Variants in KCNIP4 observed in about 807,000 individuals in gnomAD.
KCNIP4 encodes potassium voltage-gated channel interacting protein 4.
A neutral mutation model predicts 34.0 loss-of-function variants in KCNIP4; 12 were observed. That is an observed-to-expected ratio of 0.35 (90% CI 0.23 to 0.57). The LOEUF (loss-of-function observed/expected upper bound fraction) is 0.57, where lower values mean the gene tolerates loss of function less well. KCNIP4 is among the 20% of genes least tolerant of loss of function. The probability of loss-of-function intolerance (pLI) is 0.83; values close to 1 mark genes in which losing one functional copy is unlikely to be tolerated. For synonymous variants in KCNIP4, 124 were observed against 102.2 expected, an observed-to-expected ratio of 1.21 and a Z score of -1.29; for missense variants, 238 against 311.7, an observed-to-expected ratio of 0.76 and a Z score of 1.78.
At chr4:21,873,464 T>A (rs757801289) in intron 1 of KCNIP4, among the ~76,000 whole-genome samples, 2 of 152,144 alleles carry the variant, frequency 1.3e-5, no homozygotes, top group Non-Finnish European at 2.9e-5. Context: ...TCCATCAGAA[T>A]TAAAAGAAAT....
intron 1 of KCNIP4, among the ~76,000 whole-genome samples, chr4:21,062,970 A>C (rs1313946049): frequency 6.6e-6 from 1 of 152,192 alleles, no homozygotes; most frequent in African/African-American, 2.4e-5. Flanking sequence ...GTTTGATCAA[A>C]TATCTGGGCA....
intron 1 of KCNIP4, among the ~76,000 whole-genome samples, chr4:21,912,814 A>G (rs1655747423): frequency 6.7e-6 from 1 of 149,562 alleles, no homozygotes; most frequent in African/African-American, 2.4e-5. Flanking sequence ...TTTATATAAT[A>G]TAATATATAT....
At chr4:21,306,437 T>C (rs115484410) in intron 1 of KCNIP4, among the ~76,000 whole-genome samples, 2,838 of 152,272 alleles carry the variant, frequency 0.019, 79 homozygotes, top group East Asian at 0.056. Flanking sequence ...AGAGCAGTGG[T>C]GTGATCACAG....
rs529442617 is a variant in KCNIP4 at position 21,553,865 on chromosome 4, T to A, written c.61+394706A>T. ...AGATTTAGGACTTACCCCAAAATGA[T>A]TTTGTCCTGAAATCCTTACCTTAAT... On this transcript the variant is annotated intron_variant, in intron 1 of 8. Coordinates refer to ENST00000382152, the MANE Select transcript of KCNIP4 (RefSeq NM_025221.6). 2.0e-5 allele frequency among the ~76,000 whole-genome samples: 3 copies of A among 152,186 alleles called. No individual in the cohort carries two copies. In the East Asian group the frequency reaches 5.8e-4, roughly 30 times the overall value.
intron 1 of KCNIP4, among the ~76,000 whole-genome samples, chr4:21,223,724 AAT>A (rs1758149121): frequency 1.3e-5 from 2 of 152,202 alleles, no homozygotes; most frequent in Admixed American, 6.5e-5. Flanking sequence ...TTAATTTACC[AAT>A]GCAATCTATC....
Position 21,370,844 on chromosome 4 carries a change from TATATATACACAC to T in KCNIP4, c.62-488147_62-488136del, listed in dbSNP as rs1560338050. On this transcript the variant is annotated intron_variant, in intron 1 of 8. Transcript: ENST00000382152. ...ATATATATATATATATATATATATA[TATATATACACAC>T]ACACACACACACACACACACACACA... 4.4e-3 allele frequency among the ~76,000 whole-genome samples: 114 copies of T among 25,842 alleles called. 1 individual carries two copies. Among genetic ancestry groups the T allele is most frequent in the Non-Finnish European group, 4.9e-3 (83 of 17,112 alleles). The allele number at this position is 25,842 out of a possible 152,430, so 17.0% of individuals were successfully genotyped here. A position where few individuals can be genotyped will look rare whatever the true frequency, so the allele number is the denominator to read the frequency against.
At chr4:21,068,684 A>G (rs1744627932) in intron 1 of KCNIP4, among the ~76,000 whole-genome samples, 1 of 152,156 alleles carries the variant, frequency 6.6e-6, no homozygotes, top group African/African-American at 2.4e-5. Flanking sequence ...ATGGCCTCCA[A>G]ATAGTAAGTA....
chr4:21,775,543 T>C (rs1269076207), intron 1 of KCNIP4, among the ~76,000 whole-genome samples: 1 of 152,174 alleles, frequency 6.6e-6, no homozygotes, highest in African/African-American at 2.4e-5. Context: ...GCTGCCCAGA[T>C]TCCTTAGAAC....
intron 1 of KCNIP4, among the ~76,000 whole-genome samples, chr4:21,714,904 AT>A (rs1370461800): frequency 0.041 from 12 of 294 alleles, 1 homozygote; most frequent in Non-Finnish European, 0.043. Context: ...ATTTTATTTT[AT>A]TTTATTTTAT....
At chr4:20,995,135 C>T (rs1364419537) in intron 1 of KCNIP4, among the ~76,000 whole-genome samples, 1 of 152,142 alleles carries the variant, frequency 6.6e-6, no homozygotes, top group Non-Finnish European at 1.5e-5. Flanking sequence ...AAAACTGAGA[C>T]TAAAAAGGTT....
At position 21,494,245 on chromosome 4, in the gene KCNIP4, T is replaced by G. The variant is rs568380905; in HGVS notation, c.61+454326A>C. Among the ~76,000 whole-genome samples, 255 of 152,224 alleles carry G rather than the reference T, an allele frequency of 1.7e-3. 1 individual carries two copies. Among genetic ancestry groups the G allele is most frequent in the African/African-American group, 6.0e-3 (248 of 41,548 alleles). ...TAAAATCACATTTAATCAGCATGAGTGTTAGTGTTGGCTATATAAATCCAA... is the reference window on the plus strand; with the variant it reads ...TAAAATCACATTTAATCAGCATGAGGGTTAGTGTTGGCTATATAAATCCAA... On this transcript the variant is annotated intron_variant, in intron 1 of 8. Coordinates refer to ENST00000382152, the MANE Select transcript of KCNIP4 (RefSeq NM_025221.6).
Position 21,101,741 on chromosome 4 carries a change from A to G in KCNIP4, c.62-219032T>C, listed in dbSNP as rs1747962974. On this transcript the variant is annotated intron_variant, in intron 1 of 8. Coordinates refer to ENST00000382152, the MANE Select transcript of KCNIP4 (RefSeq NM_025221.6). ...TGGTATATAAATTTTATTGCAGTAA[A>G]GCTATTAAAAACAAATGGCATACAC... Among the ~76,000 whole-genome samples, 2 of 152,182 alleles carry G rather than the reference A, an allele frequency of 1.3e-5. 1 individual carries two copies. The highest frequency in any genetic ancestry group is 4.1e-4 in the South Asian group (2 of 4,836).
chr4:21,237,783 C>T (rs529876198), intron 1 of KCNIP4, among the ~76,000 whole-genome samples: 560 of 152,210 alleles, frequency 3.7e-3, no homozygotes, highest in Non-Finnish European at 5.3e-3. Flanking sequence ...GATTCACAGC[C>T]GAATTCTACC....
At chr4:21,241,143 CAAA>C (rs545560833) in intron 1 of KCNIP4, among the ~76,000 whole-genome samples, 3 of 146,306 alleles carry the variant, frequency 2.1e-5, no homozygotes, top group Non-Finnish European at 3.0e-5. Context: ...GGTAAAAAGA[CAAA>C]AAAAAAGGAA....
In KCNIP4 at chr4:21,119,446, C is replaced by G. The variant is rs1577724831; in HGVS notation, c.62-236737G>C. Among the ~76,000 whole-genome samples the G allele has an allele frequency of 2.8e-5, 4 of 140,788 alleles. 1 individual carries two copies. The highest frequency in any genetic ancestry group is 7.6e-5 in the African/African-American group (3 of 39,246). The allele number at this position is 140,788 out of a possible 152,430, so 92.4% of individuals were successfully genotyped here. A position where few individuals can be genotyped will look rare whatever the true frequency, so the allele number is the denominator to read the frequency against. On this transcript the variant is annotated intron_variant, in intron 1 of 8. Coordinates refer to ENST00000382152, the MANE Select transcript of KCNIP4 (RefSeq NM_025221.6). ...GTACACTGATGTCTGTGGGTTGGGT[C>G]ACACCAACCCACAGACATCAGTGTA...
At chr4:21,370,828 T>C (rs1720307446) in intron 1 of KCNIP4, among the ~76,000 whole-genome samples, 2 of 32,452 alleles carry the variant, frequency 6.2e-5, no homozygotes, top group Admixed American at 2.9e-4. Flanking sequence ...TATATATATA[T>C]ATATATATAT....
At chr4:20,851,193 C>T (rs909273187) in intron 2 of KCNIP4, among the ~76,000 whole-genome samples, 5 of 152,112 alleles carry the variant, frequency 3.3e-5, no homozygotes, top group Non-Finnish European at 7.4e-5. Context: ...TCCTCTCCCT[C>T]CCCCAACAGG....
chr4:20,865,459 A>C (rs544233123), intron 2 of KCNIP4, among the ~76,000 whole-genome samples: 4 of 152,236 alleles, frequency 2.6e-5, no homozygotes, highest in East Asian at 1.9e-4. Context: ...CAAAATATGG[A>C]AACAACTTAT....
intron 1 of KCNIP4, among the ~76,000 whole-genome samples, chr4:21,561,174 C>T (rs1300505141): frequency 6.6e-6 from 1 of 151,902 alleles, no homozygotes; most frequent in Non-Finnish European, 1.5e-5. Flanking sequence ...TGAAGAAATA[C>T]AGATTATTAA....
Sources: allele counts gnomAD v4.1 joint callset (sites outside exome capture counted in the v4.1 genomes callset), GRCh38; gene constraint gnomAD v4.1.1; transcripts MANE v1.5; gene names NCBI Gene and HGNC (gene_info 2026-07-23, HGNC 2026-07-21).